The following GALNTL6 variants were observed in gnomAD, a reference collection of about 807,000 sequenced individuals.
The protein encoded by GALNTL6 is polypeptide N-acetylgalactosaminyltransferase-like 6.
GALNTL6 carries 46 observed loss-of-function variants against 73.7 expected under a neutral mutation model. The ratio of observed to expected loss-of-function variants is 0.62; its 90% CI spans 0.49 to 0.80. The LOEUF (loss-of-function observed/expected upper bound fraction) is 0.80. Ranked by LOEUF, GALNTL6 falls within the 30% of genes least tolerant of loss-of-function variation. The probability of loss-of-function intolerance (pLI) is 0.00; values close to 1 mark genes in which losing one functional copy is unlikely to be tolerated. For missense variants in GALNTL6, 604 were observed against 755.0 expected (o/e 0.80, Z 2.34); for synonymous variants, 259 against 263.7 (o/e 0.98, Z 0.17).
Position 172,063,844 on chromosome 4 carries a change from G to C in GALNTL6, c.139-165812G>C, listed in dbSNP as rs369953835. ...AAATGTGTGCTTGAAAAATGCACAC[G>C]ATAATGTTCTTCTGAAAAAAATAAA... On this transcript the variant is annotated intron_variant, in intron 2 of 12. Transcript: ENST00000506823. Among the ~76,000 whole-genome samples, 3 of 152,092 alleles carry C rather than the reference G, an allele frequency of 2.0e-5. No individual in the cohort carries two copies. The East Asian group carries it at 5.8e-4, about 29-fold the overall frequency.
chr4:172,317,211 A>G (rs1740591142), intron 4 of GALNTL6, among the ~76,000 whole-genome samples: 2 of 152,240 alleles, frequency 1.3e-5, no homozygotes, highest in Non-Finnish European at 2.9e-5. Flanking sequence ...AGTGCCTTAT[A>G]TTCTAAATAC....
At position 172,446,640 on chromosome 4, in the gene GALNTL6, A is replaced by C. The variant is rs74666634; in HGVS notation, c.553+97951A>C. On this transcript the variant is annotated intron_variant, in intron 5 of 12. Coordinates refer to ENST00000506823, the MANE Select transcript of GALNTL6 (RefSeq NM_001034845.3). ...ATGACAGAGTGTGTAGGAAGCTAGAAATGGAGTCATAGGCCTCATGGACCT... is the reference window on the plus strand; with the variant it reads ...ATGACAGAGTGTGTAGGAAGCTAGACATGGAGTCATAGGCCTCATGGACCT... 4.1e-3 allele frequency among the ~76,000 whole-genome samples: 629 copies of C among 152,282 alleles called. 5 individuals carry two copies. Among genetic ancestry groups the C allele is most frequent in the African/African-American group, 0.014 (566 of 41,564 alleles).
chr4:172,387,091 C>A (rs1272767935), intron 5 of GALNTL6, among the ~76,000 whole-genome samples: 2 of 152,128 alleles, frequency 1.3e-5, no homozygotes, highest in African/African-American at 4.8e-5. Flanking sequence ...CTAATACCAT[C>A]CTGAGGGCCC....
chr4:171,837,571 TATTA>T (rs1397135833), intron 2 of GALNTL6, among the ~76,000 whole-genome samples: 6 of 147,416 alleles, frequency 4.1e-5, no homozygotes, highest in Non-Finnish European at 8.9e-5. Flanking sequence ...ACATATTATA[TATTA>T]ATATTATAGA....
In GALNTL6 at chr4:172,967,554, T is replaced by C. The variant is rs76873880; in HGVS notation, c.1371+15296T>C. Among the ~76,000 whole-genome samples, 363 of 152,312 alleles carry C rather than the reference T, an allele frequency of 2.4e-3. 11 individuals carry two copies. The East Asian group carries it at 0.062, about 26-fold the overall frequency. On this transcript the variant is annotated intron_variant, in intron 10 of 12. Coordinates refer to ENST00000506823, the MANE Select transcript of GALNTL6 (RefSeq NM_001034845.3). Reference sequence around the variant, plus strand: ...AAATACAGAAGTCTTCCATTATCCATGGTCTCACTTTCTGCACTTTTGCCC... The same window carrying C: ...AAATACAGAAGTCTTCCATTATCCACGGTCTCACTTTCTGCACTTTTGCCC...
At chr4:172,579,705 A>G (rs890630120) in intron 5 of GALNTL6, among the ~76,000 whole-genome samples, 2 of 152,182 alleles carry the variant, frequency 1.3e-5, no homozygotes, top group African/African-American at 4.8e-5. Context: ...CTAAAGCTAG[A>G]AATAGCAAGG....
At chr4:171,907,225 T>C (rs1298244157) in intron 2 of GALNTL6, among the ~76,000 whole-genome samples, 1 of 152,186 alleles carries the variant, frequency 6.6e-6, no homozygotes, top group Non-Finnish European at 1.5e-5. Context: ...GCAGATGACA[T>C]GATTGTGTAT....
At chr4:171,955,373 T>C (rs990346109) in intron 2 of GALNTL6, among the ~76,000 whole-genome samples, 6 of 27,734 alleles carry the variant, frequency 2.2e-4, no homozygotes, top group Non-Finnish European at 7.5e-4. Flanking sequence ...AATATATCTA[T>C]CTATCTATCT....
intron 5 of GALNTL6, among the ~76,000 whole-genome samples, chr4:172,551,211 T>C (rs1283319680): frequency 6.6e-6 from 1 of 152,238 alleles, no homozygotes; most frequent in African/African-American, 2.4e-5. Flanking sequence ...CGTTTTTTCT[T>C]CTATGTTTTG....
intron 2 of GALNTL6, among the ~76,000 whole-genome samples, chr4:171,965,119 G>A (rs1486301933): frequency 1.3e-5 from 2 of 152,146 alleles, no homozygotes; most frequent in African/African-American, 2.4e-5. Context: ...TTTTGAGAAA[G>A]GGCTTCCGTT....
chr4:171,940,503 C>A (rs1211753857), intron 2 of GALNTL6, among the ~76,000 whole-genome samples: 1 of 151,964 alleles, frequency 6.6e-6, no homozygotes, highest in African/African-American at 2.4e-5. Context: ...ATTGCTCTTG[C>A]CTTAGAAGAT....
rs78206626 is a variant in GALNTL6, at chr4:172,755,327, C to CAA, written c.554-54020_554-54019dup. ...AAACTTCAATTAAACTTCTAAATTG[C>CAA]AAAAAAAAAAAAAAATTCACTTGCC... On this transcript the variant is annotated intron_variant, in intron 5 of 12. Coordinates refer to ENST00000506823, the MANE Select transcript of GALNTL6 (RefSeq NM_001034845.3). 2.1e-3 allele frequency among the ~76,000 whole-genome samples: 261 copies of CAA among 121,988 alleles called. 2 individuals are homozygous for CAA. The highest frequency in any genetic ancestry group is 7.0e-3 in the African/African-American group (235 of 33,724). 80.0% of individuals were successfully genotyped at this position (121,988 alleles called of 152,430 possible). A position where few individuals can be genotyped will look rare whatever the true frequency, so the allele number is the denominator to read the frequency against.
At chr4:171,881,972 A>T (rs1439684495) in intron 2 of GALNTL6, among the ~76,000 whole-genome samples, 1 of 152,234 alleles carries the variant, frequency 6.6e-6, no homozygotes, top group East Asian at 1.9e-4. Context: ...TTTGGTTAAC[A>T]CATCCCTAAC....
chr4:172,052,218 G>T (rs1015268395), intron 2 of GALNTL6, among the ~76,000 whole-genome samples: 1 of 152,116 alleles, frequency 6.6e-6, no homozygotes, highest in African/African-American at 2.4e-5. Flanking sequence ...CTTATATCCC[G>T]GTCATGGAAA....
chr4:172,176,271 C>T (rs1189187016), intron 2 of GALNTL6, among the ~76,000 whole-genome samples: 4 of 126,480 alleles, frequency 3.2e-5, no homozygotes, highest in East Asian at 2.8e-4. Flanking sequence ...ACCTGCGAGG[C>T]GGAGCCTGCA....
chr4:172,671,089 C>G (rs1731952601), intron 5 of GALNTL6, among the ~76,000 whole-genome samples: 2 of 57,126 alleles, frequency 3.5e-5, no homozygotes, highest in African/African-American at 1.1e-4. Flanking sequence ...AGCGTGATGC[C>G]TCCAGCTTTG....
intron 8 of GALNTL6, among the ~76,000 whole-genome samples, chr4:172,889,092 A>G (rs1368764632): frequency 6.6e-6 from 1 of 152,142 alleles, no homozygotes; most frequent in African/African-American, 2.4e-5. Context: ...ATACTACTAA[A>G]TTTTGTACAT....
chr4:172,661,514 A>G (rs1037305406), intron 5 of GALNTL6, among the ~76,000 whole-genome samples: 23 of 152,062 alleles, frequency 1.5e-4, no homozygotes, highest in African/African-American at 5.1e-4. Flanking sequence ...AATGCAGAAG[A>G]TAAGAACCCA....
At chr4:172,296,145 C>G (rs1739663545) in intron 3 of GALNTL6, among the ~76,000 whole-genome samples, 1 of 151,818 alleles carries the variant, frequency 6.6e-6, no homozygotes, top group Admixed American at 6.6e-5. Flanking sequence ...ATGAAAATTC[C>G]CTTCTATTCC....
Sources: allele counts gnomAD v4.1 joint callset (sites outside exome capture counted in the v4.1 genomes callset), GRCh38; gene constraint gnomAD v4.1.1; transcripts MANE v1.5; gene names NCBI Gene and HGNC (gene_info 2026-07-23, HGNC 2026-07-21).